KANK1: variants seen among roughly 807,000 people sequenced by gnomAD.
KANK1 encodes KN motif and ankyrin repeat domain-containing protein 1.
Under a neutral mutation model 106.2 loss-of-function variants are expected in KANK1, and 109 were observed. The observed-to-expected ratio is 1.03, with a 90% CI of 0.88 to 1.20. KANK1 has a LOEUF of 1.20. Among genes scored for constraint, KANK1 ranks in the 50% most tolerant of loss-of-function variants. The probability of loss-of-function intolerance (pLI) is 0.00; values close to 1 mark genes in which losing one functional copy is unlikely to be tolerated. For missense variants in KANK1, 2,399 were observed against 1,710.7 expected, an observed-to-expected ratio of 1.40 and a Z score of -7.10; for synonymous variants, 873 against 652.2, an observed-to-expected ratio of 1.34 and a Z score of -5.16.
chr9:713,503 G>A (rs1331396520), intron 3 of KANK1, 39 bp downstream of exon 3: 9 of 1,511,820 alleles, frequency 6.0e-6, no homozygotes, highest in African/African-American at 2.8e-5. Context: ...GAGGAAGGAT[G>A]GGGGAAAATG....
intron 2 of KANK1, among the ~76,000 whole-genome samples, chr9:691,108 C>G (rs557302809): frequency 5.3e-5 from 8 of 152,296 alleles, no homozygotes; most frequent in African/African-American, 1.9e-4. Context: ...CTTCCCAACC[C>G]TTGTCATCGT....
intron 1 of KANK1, among the ~76,000 whole-genome samples, chr9:611,475 G>C (rs1203334879): frequency 6.6e-6 from 1 of 152,152 alleles, no homozygotes; most frequent in East Asian, 1.9e-4. Context: ...ATGCTTTTCA[G>C]ATGTGTCTTA....
chr9:662,600 A>G (rs1843585544), intron 1 of KANK1, among the ~76,000 whole-genome samples: 1 of 152,266 alleles, frequency 6.6e-6, no homozygotes, highest in African/African-American at 2.4e-5. Flanking sequence ...GGGGCTGGGA[A>G]AACTGGCTAA....
intron 11 of KANK1, 36 bp downstream of exon 11, chr9:744,625 GAAATCCACCAGACT>G: frequency 2.5e-6 from 4 of 1,614,038 alleles, no homozygotes; most frequent in East Asian, 2.2e-5. Flanking sequence ...TAAATAGGCT[GAAATCCACCAGACT>G]GGTGGACCCC....
chr9:700,921 A>G (rs1035122951), intron 2 of KANK1, among the ~76,000 whole-genome samples: 4 of 152,174 alleles, frequency 2.6e-5, no homozygotes, highest in Non-Finnish European at 1.5e-5. Flanking sequence ...AATAATATCA[A>G]AGTCTCCTCC....
chr9:547,473 A>G (rs1316832065), intron 1 of KANK1: 1 of 143,158 alleles, frequency 7.0e-6, no homozygotes, highest in African/African-American at 2.4e-5. Context: ...GTGTGCAAGC[A>G]ATGAGACTGG....
At chr9:648,443 C>T (rs896963648) in intron 1 of KANK1, among the ~76,000 whole-genome samples, 1 of 152,160 alleles carries the variant, frequency 6.6e-6, no homozygotes, top group Non-Finnish European at 1.5e-5. Context: ...AATGGCATCA[C>T]AGACATAGAA....
intron 2 of KANK1, among the ~76,000 whole-genome samples, chr9:703,900 G>C (rs905808478): frequency 3.3e-5 from 5 of 152,006 alleles, no homozygotes; most frequent in African/African-American, 9.7e-5. Flanking sequence ...TTTTAGTAGA[G>C]ACCTGGTTTC....
At chr9:482,319 C>A (rs1015132950) in intron 3 of KANK1, among the ~76,000 whole-genome samples, 1 of 152,150 alleles carries the variant, frequency 6.6e-6, no homozygotes, top group African/African-American at 2.4e-5. Flanking sequence ...AGTGAGGGGG[C>A]ACAAACTATT....
At chr9:570,019 A>C (rs1818776508) in intron 1 of KANK1, among the ~76,000 whole-genome samples, 2 of 152,064 alleles carry the variant, frequency 1.3e-5, no homozygotes, top group African/African-American at 4.8e-5. Context: ...ATTAGGATTT[A>C]TGTTTTTTAA....
At position 740,794 on chromosome 9, in the gene KANK1, G is replaced by C. The variant is rs1464731568; in HGVS notation, c.3556G>C (p.Val1186Leu). The C allele has an allele frequency of 6.3e-7, 1 of 1,580,202 alleles. No homozygotes were observed. The highest frequency in any genetic ancestry group is 1.9e-5 in the Admixed American group (1 of 53,660). The change falls in exon 9 of 12, where the codon GTG (valine) becomes CTG (leucine). Residue 1186 changes from valine to leucine, a missense_variant and splice_region_variant. Coordinates refer to ENST00000382297, the MANE Select transcript of KANK1 (RefSeq NM_015158.5). ...CTTTTTTTTTTTTTTTTTTACAGAT[G>C]TGTGTAATGTGGATCACCAGAACAA... is the stretch of plus-strand genomic sequence containing the variant. ...EIVKLLLDAD[V>L]CNVDHQNKAG...
chr9:606,267 G>C (rs1219106535), intron 1 of KANK1, among the ~76,000 whole-genome samples: 2 of 150,246 alleles, frequency 1.3e-5, no homozygotes, highest in East Asian at 1.9e-4. Flanking sequence ...TTTTAGAAGG[G>C]CTGGGGGTGG....
At chr9:479,746 A>G (rs1228053879) in intron 3 of KANK1, among the ~76,000 whole-genome samples, 3 of 152,244 alleles carry the variant, frequency 2.0e-5, no homozygotes, top group African/African-American at 7.2e-5. Flanking sequence ...ACACCAGGGC[A>G]GCTTCTGTCA....
chr9:725,730 T>C (rs892719518), intron 3 of KANK1, among the ~76,000 whole-genome samples: 1 of 152,150 alleles, frequency 6.6e-6, no homozygotes, highest in Non-Finnish European at 1.5e-5. Context: ...TTTTAGCCAA[T>C]GTCACAGGTG....
chr9:482,278 C>T lies in KANK1; in HGVS notation c.-362+9005C>T, dbSNP rs79253816. On this transcript the variant is annotated intron_variant, in intron 3 of 15. Transcript: ENST00000382303. ...GCAAATTAATTGAATTTTCAAGTGA[C>T]GAGTGTAATCCTAAGCACTTAATGG... Among the ~76,000 whole-genome samples, 194 of 152,276 alleles carry T rather than the reference C, an allele frequency of 1.3e-3. 1 individual carries two copies. The highest frequency in any genetic ancestry group is 4.5e-3 in the African/African-American group (189 of 41,552).
intron 2 of KANK1, chr9:684,329 G>T (rs915639342): frequency 1.2e-5 from 12 of 985,376 alleles, no homozygotes; most frequent in Non-Finnish European, 1.4e-5. Context: ...TCCTGCTCCT[G>T]GGTACTGGGC....
chr9:553,694 A>G (rs900175436), intron 1 of KANK1, among the ~76,000 whole-genome samples: 3 of 152,212 alleles, frequency 2.0e-5, no homozygotes, highest in Admixed American at 6.5e-5. Flanking sequence ...ATATAAGCCA[A>G]TTGTTCAGTT....
chr9:513,063 A>G (rs1246534892), intron 1 of KANK1, among the ~76,000 whole-genome samples: 4 of 152,206 alleles, frequency 2.6e-5, no homozygotes, highest in South Asian at 4.1e-4. Context: ...AGGCTTGACA[A>G]TGAGGCTCTT....
intron 1 of KANK1, among the ~76,000 whole-genome samples, chr9:645,841 T>C (rs1484083117): frequency 2.6e-5 from 4 of 150,952 alleles, no homozygotes; most frequent in African/African-American, 7.5e-5. Context: ...TCAAAAAATG[T>C]GTATATTATA....
Sources: allele counts gnomAD v4.1 joint callset (sites outside exome capture counted in the v4.1 genomes callset), GRCh38; gene constraint gnomAD v4.1.1; transcripts MANE v1.5; gene names NCBI Gene and HGNC (gene_info 2026-07-23, HGNC 2026-07-21).